Variants in C1QTNF3 observed in about 807,000 individuals in gnomAD.
C1QTNF3 encodes the protein C1q and TNF related 3.
In C1QTNF3, 26 loss-of-function variants were observed where a neutral mutation model predicts 32.6. The observed-to-expected ratio is 0.80, with a 90% CI of 0.58 to 1.11. C1QTNF3 has a LOEUF of 1.11. Among genes scored for constraint, C1QTNF3 ranks in the 50% least tolerant of loss-of-function variants. The probability of loss-of-function intolerance (pLI) is 0.00; values close to 1 mark genes in which losing one functional copy is unlikely to be tolerated. For missense variants in C1QTNF3, 362 were observed against 398.2 expected, an observed-to-expected ratio of 0.91 and a Z score of 0.77; for synonymous variants, 155 against 146.0, an observed-to-expected ratio of 1.06 and a Z score of -0.44.
chr5:34,142,649 C>A, the C1QTNF3 span, among the ~76,000 whole-genome samples: 1 of 152,214 alleles, frequency 6.6e-6, no homozygotes, highest in East Asian at 1.9e-4. Context: ...TAGTGGATCA[C>A]AGCCCAAACT....
chr5:34,180,213 G>A, the C1QTNF3 span, among the ~76,000 whole-genome samples: 2 of 152,336 alleles, frequency 1.3e-5, no homozygotes, highest in East Asian at 3.9e-4. Context: ...GCATGGTGGC[G>A]TGAGCCTGTA....
At chr5:34,080,247 C>T in the C1QTNF3 span, among the ~76,000 whole-genome samples, 1 of 151,592 alleles carries the variant, frequency 6.6e-6, no homozygotes, top group Admixed American at 6.6e-5. Flanking sequence ...ATTTAGCATG[C>T]ACAATTATCT....
chr5:34,161,753 T>C, the C1QTNF3 span, among the ~76,000 whole-genome samples: 7 of 152,136 alleles, frequency 4.6e-5, no homozygotes, highest in Admixed American at 1.3e-4. Flanking sequence ...TGTAAATGTA[T>C]GAAAAAACAA....
chr5:34,222,899 ATAT>A, the C1QTNF3 span, among the ~76,000 whole-genome samples: 1 of 151,966 alleles, frequency 6.6e-6, no homozygotes, highest in Non-Finnish European at 1.5e-5. Context: ...TTCAGTATAA[ATAT>A]TATAATACTA....
rs1200390064 is a variant in C1QTNF3, at chr5:34,018,322, T to A, written c.*2261A>T. Among the ~76,000 whole-genome samples, 2 of 152,190 alleles carry A rather than the reference T, an allele frequency of 1.3e-5. No individual in the cohort carries two copies. Among genetic ancestry groups the A allele is most frequent in the Non-Finnish European group, 2.9e-5 (2 of 68,024 alleles). On this transcript the variant is annotated 3_prime_UTR_variant, in exon 6 of 6. Coordinates refer to ENST00000382065, the MANE Select transcript of C1QTNF3 (RefSeq NM_181435.6). ...TTGTCTCTGGCCATCAGATATTATC[T>A]TTTCCACAAGCTTTTCTTATGCTCT...
chr5:34,200,574 A>G, the C1QTNF3 span: 1 of 152,136 alleles, frequency 6.6e-6, no homozygotes, highest in Non-Finnish European at 1.5e-5. Flanking sequence ...GGAAAAATAT[A>G]AATGAAGAGT....
chr5:34,021,952 C>T (rs956645813), intron 5 of C1QTNF3, among the ~76,000 whole-genome samples: 1 of 152,190 alleles, frequency 6.6e-6, no homozygotes, highest in Non-Finnish European at 1.5e-5. Flanking sequence ...AAAGACTACT[C>T]ATTCAATCAA....
the C1QTNF3 span, among the ~76,000 whole-genome samples, chr5:34,177,556 G>A: frequency 5.8e-5 from 8 of 138,060 alleles, no homozygotes; most frequent in African/African-American, 1.9e-4. Flanking sequence ...GCACAATCTC[G>A]GCTCACTGCA....
At chr5:34,089,566 G>A in the C1QTNF3 span, among the ~76,000 whole-genome samples, 2 of 152,296 alleles carry the variant, frequency 1.3e-5, no homozygotes, top group East Asian at 3.9e-4. Flanking sequence ...ATCTGCTGAT[G>A]ACTTGATCTT....
chr5:34,062,209 C>T, the C1QTNF3 span, among the ~76,000 whole-genome samples: 1 of 152,118 alleles, frequency 6.6e-6, no homozygotes, highest in East Asian at 1.9e-4. Context: ...GGGCTGGGTT[C>T]CTGAGTATTT....
chr5:34,165,752 T>A, the C1QTNF3 span: 1 of 151,670 alleles, frequency 6.6e-6, no homozygotes, highest in Non-Finnish European at 1.5e-5. Context: ...TCAATCTTTT[T>A]TTAAAAAAAA....
chr5:34,137,211 C>G, the C1QTNF3 span, among the ~76,000 whole-genome samples: 1 of 151,212 alleles, frequency 6.6e-6, no homozygotes, highest in East Asian at 1.9e-4. Context: ...CCCAAAGGTC[C>G]AAGACAAATA....
At chr5:34,032,203 C>T (rs911084503) in intron 3 of C1QTNF3, among the ~76,000 whole-genome samples, 3 of 152,224 alleles carry the variant, frequency 2.0e-5, no homozygotes, top group Non-Finnish European at 2.9e-5. Flanking sequence ...TATTAGCCCT[C>T]CTCCACCTTC....
chr5:34,043,968 T>A (rs567665043), upstream of C1QTNF3: 1 of 152,328 alleles, frequency 6.6e-6, no homozygotes, highest in Admixed American at 6.5e-5. Context: ...CCGGGCACAG[T>A]GGCTCATGCC....
At chr5:34,240,209 C>G in the C1QTNF3 span, among the ~76,000 whole-genome samples, 1 of 150,310 alleles carries the variant, frequency 6.7e-6, no homozygotes, top group East Asian at 1.9e-4. Context: ...TAACACTACA[C>G]CTAAAGGAAC....
At chr5:34,035,440 A>G (rs1004663325) in intron 2 of C1QTNF3, among the ~76,000 whole-genome samples, 1 of 152,200 alleles carries the variant, frequency 6.6e-6, no homozygotes, top group Non-Finnish European at 1.5e-5. Context: ...TGGCAGATAT[A>G]CTGGAACGAA....
At chr5:34,128,623 A>G in the C1QTNF3 span, among the ~76,000 whole-genome samples, 1 of 152,164 alleles carries the variant, frequency 6.6e-6, no homozygotes, top group East Asian at 1.9e-4. Flanking sequence ...CATGGAGTCA[A>G]AGGAGATTAT....
At chr5:34,056,479 T>TATATATAGAGAG in the C1QTNF3 span, among the ~76,000 whole-genome samples, 3 of 51,776 alleles carry the variant, frequency 5.8e-5, no homozygotes, top group Non-Finnish European at 1.0e-4. Context: ...TATATATATA[T>TATATATAGAGAG]AGAGAGAGAG....
chr5:34,073,139 A>T, the C1QTNF3 span, among the ~76,000 whole-genome samples: 2 of 152,218 alleles, frequency 1.3e-5, no homozygotes, highest in South Asian at 4.2e-4. Context: ...CATCCTGGCT[A>T]ACACGGTGAA....
Sources: allele counts gnomAD v4.1 joint callset (sites outside exome capture counted in the v4.1 genomes callset), GRCh38; gene constraint gnomAD v4.1.1; transcripts MANE v1.5; gene names NCBI Gene and HGNC (gene_info 2026-07-23, HGNC 2026-07-21).